The following RARS2 variants were observed in gnomAD, a reference collection of about 807,000 sequenced individuals.
RARS2 encodes probable arginine--tRNA ligase, mitochondrial.
A neutral mutation model predicts 88.5 loss-of-function variants in RARS2; 67 were observed. That is an observed-to-expected ratio of 0.76 (90% CI 0.62 to 0.93). The LOEUF (loss-of-function observed/expected upper bound fraction) is 0.93, where lower values mean the gene tolerates loss of function less well. RARS2 is among the 40% of genes least tolerant of loss of function. The pLI, the probability that RARS2 is intolerant of heterozygous loss-of-function variation, is 0.00. For synonymous variants in RARS2, 239 were observed against 230.3 expected (o/e 1.04, Z -0.34); for missense variants, 664 against 684.2 (o/e 0.97, Z 0.33).
At position 87,576,307 on chromosome 6, in the gene RARS2, C is replaced by T. The variant is rs1238565449; in HGVS notation, c.37-6717G>A. ...TTTTTTTTTTTTTGAGACGGAGTCT[C>T]GCTCTGTCGCCCAGGCTGGAGTGCA... is the stretch of plus-strand genomic sequence containing the variant. On this transcript the variant is annotated intron_variant, in intron 1 of 19. Transcript: ENST00000369536. Among the ~76,000 whole-genome samples the T allele has an allele frequency of 3.0e-3, 238 of 80,364 alleles. 35 individuals carry two copies. Among genetic ancestry groups the T allele is most frequent in the Middle Eastern group, 0.018 (2 of 110 alleles). The allele number at this position is 80,364 out of a possible 152,430, so 52.7% of individuals were successfully genotyped here.
chr6:87,521,891 C>A (rs1773973991), intron 11 of RARS2, among the ~76,000 whole-genome samples: 1 of 152,128 alleles, frequency 6.6e-6, no homozygotes. Flanking sequence ...CCTGTTACTT[C>A]TCTGCAATAT....
At chr6:87,572,605 C>G (rs1309797784) in intron 1 of RARS2, among the ~76,000 whole-genome samples, 1 of 152,034 alleles carries the variant, frequency 6.6e-6, no homozygotes, top group African/African-American at 2.4e-5. Flanking sequence ...CTCTGTTACC[C>G]AGGCTGGAGT....
intron 9 of RARS2, among the ~76,000 whole-genome samples, chr6:87,530,322 G>C (rs1043896932): frequency 3.3e-5 from 5 of 152,154 alleles, no homozygotes; most frequent in Non-Finnish European, 7.3e-5. Flanking sequence ...CTAGCATCTA[G>C]AACCACTTAA....
chr6:87,580,304 A>G (rs1472359054), intron 1 of RARS2, among the ~76,000 whole-genome samples: 1 of 152,198 alleles, frequency 6.6e-6, no homozygotes. Flanking sequence ...CAAAGTAATA[A>G]AAGTTTCACA....
chr6:87,546,497 C>A (rs1192469805), intron 6 of RARS2, among the ~76,000 whole-genome samples: 1 of 152,082 alleles, frequency 6.6e-6, no homozygotes, highest in Non-Finnish European at 1.5e-5. Flanking sequence ...TATGGGGCTG[C>A]CTCTTATGCC....
chr6:87,570,504 C>T (rs1217391094), intron 1 of RARS2, among the ~76,000 whole-genome samples: 1 of 152,034 alleles, frequency 6.6e-6, no homozygotes, highest in Non-Finnish European at 1.5e-5. Context: ...CTGCGGCCTC[C>T]ATCTCCCGGG....
chr6:87,520,266 AAAAT>A lies in RARS2; in HGVS notation c.1036-14_1036-11del, dbSNP rs1368456047. On this transcript the variant is annotated splice_polypyrimidine_tract_variant and intron_variant, in intron 12 of 19. Transcript: ENST00000369536. ...TTTGTCCTTTATCTGTCTTGGGAAG[AAAAT>A]ATATATAAAATAAAAGAATACTGAC... The A allele has an allele frequency of 6.4e-7, 1 of 1,568,120 alleles. No individual in the cohort carries two copies. Among genetic ancestry groups the A allele is most frequent in the Admixed American group, 1.7e-5 (1 of 59,946 alleles).
At chr6:87,584,393 T>C (rs1774502452) in intron 1 of RARS2, among the ~76,000 whole-genome samples, 1 of 152,214 alleles carries the variant, frequency 6.6e-6, no homozygotes, top group Admixed American at 6.5e-5. Flanking sequence ...TAAGCACTGT[T>C]ATCTTTATCT....
chr6:87,518,402 T>C, intron 16 of RARS2, 138 bp from the exon 17 acceptor site: 2 of 1,523,932 alleles, frequency 1.3e-6, no homozygotes, highest in Non-Finnish European at 1.8e-6. Context: ...GGTAACAGTA[T>C]ATTTTTCGAC....
At chr6:87,571,144 G>A (rs1033813386) in intron 1 of RARS2, among the ~76,000 whole-genome samples, 3 of 146,960 alleles carry the variant, frequency 2.0e-5, no homozygotes, top group African/African-American at 7.5e-5. Context: ...GGAGGGACCA[G>A]GTGGGGATAA....
intron 5 of RARS2, among the ~76,000 whole-genome samples, chr6:87,550,147 T>C (rs867292565): frequency 1.0e-3 from 152 of 152,120 alleles, no homozygotes; most frequent in African/African-American, 3.3e-3. Flanking sequence ...AGAAAGAAAG[T>C]AAATGTCATC....
chr6:87,524,477 GCATAATTAATTGTA>G, intron 11 of RARS2, 66 bp downstream of exon 11: 1 of 1,076,874 alleles, frequency 9.3e-7, no homozygotes, highest in Non-Finnish European at 1.4e-6. Context: ...ATCCGATAAT[GCATAATTAATTGTA>G]CATAGTGTTT....
intron 9 of RARS2, among the ~76,000 whole-genome samples, chr6:87,530,571 T>C (rs1777161128): frequency 6.6e-6 from 1 of 151,926 alleles, no homozygotes; most frequent in South Asian, 2.1e-4. Flanking sequence ...AACAGAAAAG[T>C]CAGATAAAAA....
intron 8 of RARS2, among the ~76,000 whole-genome samples, chr6:87,539,682 G>C (rs1780302033): frequency 6.6e-6 from 1 of 152,194 alleles, no homozygotes; most frequent in Non-Finnish European, 1.5e-5. Context: ...TAAGGTGGAT[G>C]TGTCAAGTTA....
intron 1 of RARS2, among the ~76,000 whole-genome samples, chr6:87,587,169 G>A (rs1254212690): frequency 6.6e-6 from 1 of 152,064 alleles, no homozygotes; most frequent in South Asian, 2.1e-4. Flanking sequence ...ATAGGCATGA[G>A]CCACCATACC....
rs1562097697 is a variant in RARS2, at chr6:87,529,662, G to A, written c.772-14C>T. The A allele has an allele frequency of 6.5e-6, 10 of 1,541,988 alleles. No homozygotes were observed. The highest frequency in any genetic ancestry group is 9.0e-6 in the Non-Finnish European group (10 of 1,114,752). On this transcript the variant is annotated splice_polypyrimidine_tract_variant and intron_variant, in intron 9 of 19. Transcript: ENST00000369536. ...TACTCCCAGACGCTAAAAGAGTTCA[G>A]AAACAAAAAGACAAAGAAATGTTAA...
chr6:87,558,626 A>G (rs34107692), intron 4 of RARS2, among the ~76,000 whole-genome samples: 10,935 of 152,254 alleles, frequency 0.072, 549 homozygotes, highest in African/African-American at 0.15. Flanking sequence ...ATCACTCAGC[A>G]ATGTTGCAGC....
intron 2 of RARS2, 130 bp downstream of exon 2, chr6:87,569,387 G>T: frequency 1.4e-6 from 1 of 719,740 alleles, no homozygotes. Context: ...TGAGTATAAT[G>T]AATCATATCT....
At chr6:87,536,840 C>CA (rs1164044373) in intron 8 of RARS2, among the ~76,000 whole-genome samples, 1 of 151,748 alleles carries the variant, frequency 6.6e-6, no homozygotes, top group African/African-American at 2.4e-5. Context: ...GTTTTGTAAC[C>CA]AAAAAAACCA....
Sources: gnomAD v4.1 joint callset for allele counts (sites outside exome capture counted in the v4.1 genomes callset) on GRCh38, gnomAD v4.1.1 for gene constraint, MANE v1.5 for transcripts, NCBI Gene and HGNC (gene_info 2026-07-23, HGNC 2026-07-21) for gene names.